The following COQ7 variants were observed in gnomAD, a reference collection of about 807,000 sequenced individuals.
COQ7 encodes the protein NADPH-dependent 3-demethoxyubiquinone 3-hydroxylase, mitochondrial.
COQ7 carries 21 observed loss-of-function variants against 25.0 expected under a neutral mutation model. That is an observed-to-expected ratio of 0.84 (90% CI 0.60 to 1.21). The LOEUF (loss-of-function observed/expected upper bound fraction) is 1.21. Ranked by LOEUF, COQ7 falls within the 50% of genes most tolerant of loss-of-function variation. COQ7 has a pLI of 0.00. For synonymous variants in COQ7, 125 were observed against 112.4 expected, an observed-to-expected ratio of 1.11 and a Z score of -0.71; for missense variants, 311 against 296.2, an observed-to-expected ratio of 1.05 and a Z score of -0.37.
rs8051232 is a variant in COQ7, at chr16:19,078,240, C to G, written c.*82C>G. The stretch of plus-strand genomic sequence containing the variant: ...TGCAGAGAAACAGGTGTACAGTTAT[C>G]GTTGTACTTTTGTACAATGTGAATT... On this transcript the variant is annotated 3_prime_UTR_variant, in exon 6 of 6. Coordinates refer to ENST00000321998, the MANE Select transcript of COQ7 (RefSeq NM_016138.5). 0.18 allele frequency: 184,149 copies of G among 1,017,492 alleles called. 17,818 individuals are homozygous for G. Among genetic ancestry groups the G allele is most frequent in the Admixed American group, 0.22 (8,688 of 39,330 alleles). The allele number at this position is 1,017,492 out of a possible 1,614,324, so 63.0% of individuals were successfully genotyped here.
intron 4 of COQ7, 113 bp downstream of exon 4, chr16:19,075,973 T>A: frequency 7.3e-7 from 1 of 1,379,094 alleles, no homozygotes; most frequent in South Asian, 1.3e-5. Context: ...GTTTAGAGGC[T>A]CAGGTCAGTG....
In COQ7 at chr16:19,070,179, C is replaced by A. The variant is rs183724796; in HGVS notation, c.74-1749C>A. 1.6e-4 allele frequency among the ~76,000 whole-genome samples: 25 copies of A among 152,256 alleles called. 1 individual carries two copies. The East Asian group carries it at 4.6e-3, about 28-fold the overall frequency. ...GGTCACTATGCTTCAGAACTTAGGTCCACGCTTCTTTGTTAAAAGTGTGAC... is the reference window on the plus strand; with the variant it reads ...GGTCACTATGCTTCAGAACTTAGGTACACGCTTCTTTGTTAAAAGTGTGAC... On this transcript the variant is annotated intron_variant, in intron 1 of 5. Transcript: ENST00000321998.
chr16:19,069,474 G>T (rs1340595466), intron 1 of COQ7, among the ~76,000 whole-genome samples: 3 of 146,456 alleles, frequency 2.0e-5, no homozygotes, highest in Non-Finnish European at 3.0e-5. Context: ...GCAGTGGCGC[G>T]ATCTCAGCTC....
chr16:19,078,366 C>G lies in COQ7; in HGVS notation c.*208C>G. ...TGCCATGAGACCAACAGGTCACCAG[C>G]CTTGTTCAAGTTACAGCAAACGAAG... On this transcript the variant is annotated 3_prime_UTR_variant, in exon 6 of 6. Transcript: ENST00000321998. The G allele has an allele frequency of 2.5e-6, 1 of 400,334 alleles. No individual in the cohort carries two copies. The highest frequency in any genetic ancestry group is 4.4e-6 in the Non-Finnish European group (1 of 227,790). The allele number at this position is 400,334 out of a possible 1,614,324, so 24.8% of individuals were successfully genotyped here.
chr16:19,078,001 G>A (rs890433775), intron 5 of COQ7, 80 bp from the exon 6 acceptor site: 2 of 1,031,266 alleles, frequency 1.9e-6, no homozygotes, highest in Non-Finnish European at 1.4e-6. Context: ...GAAATCCAAA[G>A]CCTGCCCTGC....
intron 1 of COQ7, among the ~76,000 whole-genome samples, chr16:19,071,594 C>A (rs1342835633): frequency 1.3e-5 from 2 of 152,184 alleles, no homozygotes; most frequent in East Asian, 3.9e-4. Flanking sequence ...ATGGGCCTCT[C>A]CTGTACAGCC....
chr16:19,071,270 G>A (rs969948523), intron 1 of COQ7, among the ~76,000 whole-genome samples: 2 of 152,158 alleles, frequency 1.3e-5, no homozygotes, highest in African/African-American at 4.8e-5. Flanking sequence ...CGAGGAGGTG[G>A]GATTAAAGGC....
chr16:19,073,290 C>G (rs1962655615), intron 2 of COQ7, among the ~76,000 whole-genome samples: 1 of 149,104 alleles, frequency 6.7e-6, no homozygotes, highest in Non-Finnish European at 1.5e-5. Context: ...GCCTGGGCAA[C>G]AGAGTGAGAC....
At chr16:19,069,190 A>G (rs904130354) in intron 1 of COQ7, among the ~76,000 whole-genome samples, 6 of 152,130 alleles carry the variant, frequency 3.9e-5, no homozygotes, top group South Asian at 2.1e-4. Flanking sequence ...CCGAGCCTCA[A>G]TTTTACTTTA....
At chr16:19,077,401 C>T in intron 5 of COQ7, 27 bp downstream of exon 5, 1 of 1,596,364 alleles carries the variant, frequency 6.3e-7, no homozygotes, top group Admixed American at 1.7e-5. Context: ...ACCTGTTCTG[C>T]TTTGGGACTC....
At chr16:19,069,466 A>C (rs1427620861) in intron 1 of COQ7, among the ~76,000 whole-genome samples, 2 of 138,008 alleles carry the variant, frequency 1.4e-5, no homozygotes, top group Admixed American at 1.6e-4. Flanking sequence ...GCTGGAGTGC[A>C]GTGGCGCGAT....
At chr16:19,071,098 G>A (rs1290999356) in intron 1 of COQ7, among the ~76,000 whole-genome samples, 1 of 152,004 alleles carries the variant, frequency 6.6e-6, no homozygotes, top group Non-Finnish European at 1.5e-5. Flanking sequence ...AATGCCCAAC[G>A]GTGTGGGGTT....
chr16:19,072,177 T>A, intron 2 of COQ7, 71 bp downstream of exon 2: 1 of 1,571,780 alleles, frequency 6.4e-7, no homozygotes. Flanking sequence ...AAGTAATGAA[T>A]CATGGGAGGT....
chr16:19,072,884 T>C (rs1256270492), intron 2 of COQ7, among the ~76,000 whole-genome samples: 1 of 152,196 alleles, frequency 6.6e-6, no homozygotes, highest in African/African-American at 2.4e-5. Context: ...GTAAATAATA[T>C]TCAGGGCCGG....
At chr16:19,074,688 A>G (rs1962743245) in intron 3 of COQ7, among the ~76,000 whole-genome samples, 1 of 152,114 alleles carries the variant, frequency 6.6e-6, no homozygotes, top group South Asian at 2.1e-4. Context: ...ATCTTGGACT[A>G]CTGGCGCATG....
intron 1 of COQ7, among the ~76,000 whole-genome samples, chr16:19,069,930 C>T (rs181831790): frequency 5.9e-5 from 9 of 151,842 alleles, no homozygotes; most frequent in East Asian, 1.9e-4. Context: ...ACTACAGGCA[C>T]GTGCCACGAT....
chr16:19,074,841 G>A (rs1315576237), intron 3 of COQ7, among the ~76,000 whole-genome samples: 1 of 151,954 alleles, frequency 6.6e-6, no homozygotes, highest in Non-Finnish European at 1.5e-5. Context: ...CACTGCACCT[G>A]GCCTAATGTC....
At chr16:19,081,031 T>C (rs530727817), downstream of COQ7, among the ~76,000 whole-genome samples, 11 of 152,348 alleles carry the variant, frequency 7.2e-5, no homozygotes, top group South Asian at 2.1e-3. Context: ...GAGCAAGAGT[T>C]AACTGAATGG....
chr16:19,068,078 C>T (rs1004117652), intron 1 of COQ7: 440 of 1,155,134 alleles, frequency 3.8e-4, no homozygotes, highest in Non-Finnish European at 4.4e-4. Context: ...GAGTCTCTCT[C>T]TTTGTAGTCT....
Sources: allele counts gnomAD v4.1 joint callset (sites outside exome capture counted in the v4.1 genomes callset), GRCh38; gene constraint gnomAD v4.1.1; transcripts MANE v1.5; gene names NCBI Gene and HGNC (gene_info 2026-07-23, HGNC 2026-07-21).